Variants in CHEK2 observed in about 807,000 individuals in gnomAD.
The protein encoded by CHEK2 is serine/threonine-protein kinase Chk2.
Under a neutral mutation model 69.1 loss-of-function variants are expected in CHEK2, and 71 were observed. That is an observed-to-expected ratio of 1.03 (90% CI 0.85 to 1.25). CHEK2 has a LOEUF of 1.25. Among genes scored for constraint, CHEK2 ranks in the 50% most tolerant of loss-of-function variants. The probability of loss-of-function intolerance (pLI) is 0.00; values close to 1 mark genes in which losing one functional copy is unlikely to be tolerated. For synonymous variants in CHEK2, 189 were observed against 226.9 expected (o/e 0.83, Z 1.50); for missense variants, 664 against 649.6 (o/e 1.02, Z -0.24).
At chr22:28,738,350 G>A (rs17508019) in intron 1 of CHEK2, among the ~76,000 whole-genome samples, 5,914 of 152,280 alleles carry the variant, frequency 0.039, 174 homozygotes, top group Non-Finnish European at 0.06. Flanking sequence ...AGCTTTTTAA[G>A]CAAGACAGGA....
At chr22:28,740,625 G>A (rs1403599863) in intron 1 of CHEK2, among the ~76,000 whole-genome samples, 1 of 152,188 alleles carries the variant, frequency 6.6e-6, no homozygotes, top group Non-Finnish European at 1.5e-5. Context: ...GAGCCTGTGT[G>A]CCCATGGCTC....
intron 2 of CHEK2, among the ~76,000 whole-genome samples, chr22:28,732,403 G>T (rs563290283): frequency 5.9e-5 from 9 of 151,970 alleles, no homozygotes; most frequent in Non-Finnish European, 1.2e-4. Flanking sequence ...GAGCCACCAC[G>T]CCTGGCCTAA....
intron 6 of CHEK2, among the ~76,000 whole-genome samples, chr22:28,710,559 G>C (rs16986630): frequency 0.012 from 1,898 of 152,286 alleles, 40 homozygotes; most frequent in East Asian, 0.079. Flanking sequence ...TGCTAATAGA[G>C]CAGATACAGG....
chr22:28,705,065 C>A (rs1216712348), intron 7 of CHEK2, among the ~76,000 whole-genome samples: 1 of 151,026 alleles, frequency 6.6e-6, no homozygotes. Context: ...CTGAATACTC[C>A]CAAAATCCAA....
chr22:28,702,475 T>C (rs1028192837), intron 8 of CHEK2, among the ~76,000 whole-genome samples: 1 of 151,216 alleles, frequency 6.6e-6, no homozygotes, highest in Non-Finnish European at 1.5e-5. Flanking sequence ...CCTGACCTTG[T>C]GATCCGCCCG....
chr22:28,722,055 A>G (rs1181469779), intron 4 of CHEK2, among the ~76,000 whole-genome samples: 7 of 152,130 alleles, frequency 4.6e-5, no homozygotes, highest in Non-Finnish European at 1.5e-5. Context: ...TCTATTAAAT[A>G]AATTTTTTAA....
At chr22:28,721,887 T>C (rs992030910) in intron 4 of CHEK2, among the ~76,000 whole-genome samples, 15 of 152,042 alleles carry the variant, frequency 9.9e-5, no homozygotes, top group African/African-American at 2.9e-4. Context: ...CACAGCAGCA[T>C]GCCCAGCTAA....
intron 6 of CHEK2, 149 bp from the exon 7 acceptor site, chr22:28,710,208 C>T: frequency 3.4e-6 from 2 of 590,808 alleles, no homozygotes; most frequent in Admixed American, 3.0e-5. Flanking sequence ...AGGTCAATGA[C>T]TTAAATACCT....
chr22:28,741,261 A>G (rs890819730), intron 1 of CHEK2, among the ~76,000 whole-genome samples: 4 of 152,024 alleles, frequency 2.6e-5, no homozygotes, highest in African/African-American at 4.8e-5. Context: ...GTGAAACACA[A>G]TATTTTTTTC....
chr22:28,704,713 A>T (rs959700826), intron 7 of CHEK2, among the ~76,000 whole-genome samples: 76 of 152,324 alleles, frequency 5.0e-4, no homozygotes, highest in South Asian at 4.1e-4. Context: ...GTGAGTATTC[A>T]TCAGGGACAT....
Position 28,695,815 on chromosome 22 carries a change from C to T in CHEK2, c.1154G>A (p.Cys385Tyr), listed in dbSNP as rs145324174. The T allele has an allele frequency of 4.3e-6, 7 of 1,613,896 alleles. No homozygotes were observed. The highest frequency in any genetic ancestry group is 2.7e-5 in the African/African-American group (2 of 75,054). The change falls in exon 11 of 15, where the codon TGT (cysteine) becomes TAT (tyrosine). Residue 385 changes from cysteine to tyrosine, a missense_variant. Cys to Tyr is a radical substitution (Grantham distance 194). Coordinates refer to ENST00000404276, the MANE Select transcript of CHEK2 (RefSeq NM_007194.4). The part of the protein sequence containing the change: ...LGETSLMRTL[C>Y]GTPTYLAPEV... ...AGGCGCCAAGTAGGTGGGGGTTCCA[C>T]ATAAGGTTCTCATGAGAGAGGTCTC...
At chr22:28,712,273 T>C (rs1184437572) in intron 5 of CHEK2, 5 of 487,494 alleles carry the variant, frequency 1.0e-5, no homozygotes, top group African/African-American at 5.8e-5. Flanking sequence ...TAGCCCTGGA[T>C]TGTGAAATTC....
At chr22:28,712,649 T>TAA (rs2053445827) in intron 5 of CHEK2, among the ~76,000 whole-genome samples, 1 of 152,204 alleles carries the variant, frequency 6.6e-6, no homozygotes, top group Non-Finnish European at 1.5e-5. Flanking sequence ...AGAACACAGT[T>TAA]AATCCTGAGT....
chr22:28,716,559 C>T (rs1218477778), intron 5 of CHEK2, among the ~76,000 whole-genome samples: 5 of 152,152 alleles, frequency 3.3e-5, no homozygotes, highest in Non-Finnish European at 5.9e-5. Flanking sequence ...AATATGGAAA[C>T]ACATCAGTTA....
At chr22:28,719,572 T>C in intron 4 of CHEK2, 87 bp from the exon 5 acceptor site, 1 of 772,380 alleles carries the variant, frequency 1.3e-6, no homozygotes, top group Non-Finnish European at 2.2e-6. Context: ...TCATATGGAA[T>C]ATAAGAACTG....
chr22:28,705,961 TAAACTAA>T (rs138676165), intron 7 of CHEK2, among the ~76,000 whole-genome samples: 31 of 118,252 alleles, frequency 2.6e-4, no homozygotes, highest in Admixed American at 1.1e-3. Flanking sequence ...TAAACTAAAC[TAAACTAA>T]AAACTAAACT....
intron 2 of CHEK2, among the ~76,000 whole-genome samples, chr22:28,730,834 G>A (rs1224914903): frequency 6.6e-6 from 1 of 152,132 alleles, no homozygotes; most frequent in Non-Finnish European, 1.5e-5. Flanking sequence ...ATCCAGCCTG[G>A]TGACAGAGCA....
rs543506523 is a variant in CHEK2, at chr22:28,734,110, T to C, written c.319+293A>G. Among the ~76,000 whole-genome samples the C allele has an allele frequency of 2.0e-5, 3 of 152,200 alleles. No individual in the cohort carries two copies. The East Asian group carries it at 5.8e-4, about 29-fold the overall frequency. ...GAGCCAGCACTTCATTTACATAGGA[T>C]GTAAACAGTGGGAGACCTCTAGAGG... is the stretch of plus-strand genomic sequence containing the variant. On this transcript the variant is annotated intron_variant, in intron 2 of 14. Transcript: ENST00000404276.
intron 1 of CHEK2, among the ~76,000 whole-genome samples, chr22:28,741,560 T>A (rs529977167): frequency 6.6e-4 from 101 of 152,310 alleles, no homozygotes; most frequent in Non-Finnish European, 1.2e-3. Context: ...TTATCCTGTA[T>A]GTTCAGGCCT....
Sources: gnomAD v4.1 joint callset for allele counts (sites outside exome capture counted in the v4.1 genomes callset) on GRCh38, gnomAD v4.1.1 for gene constraint, MANE v1.5 for transcripts, NCBI Gene and HGNC (gene_info 2026-07-23, HGNC 2026-07-21) for gene names.